BDNF: variants seen among roughly 807,000 people sequenced by gnomAD.
The protein encoded by BDNF is neurotrophic factor BDNF precursor form.
BDNF carries 1 observed loss-of-function variant against 19.5 expected under a neutral mutation model. The observed-to-expected ratio is 0.05, with a 90% CI of 0.02 to 0.24. The LOEUF is 0.24. BDNF is among the 10% of genes least tolerant of loss of function. The probability of loss-of-function intolerance (pLI) is 1.00; values close to 1 mark genes in which losing one functional copy is unlikely to be tolerated. For missense variants in BDNF, 195 were observed against 317.6 expected, an observed-to-expected ratio of 0.61 and a Z score of 2.93; for synonymous variants, 100 against 121.6, an observed-to-expected ratio of 0.82 and a Z score of 1.17.
chr11:27,721,861 GT>G, exon 1 of BDNF: 1 of 162,634 alleles, frequency 6.1e-6, no homozygotes, highest in Non-Finnish European at 1.4e-5. Flanking sequence ...GGGTACCCCT[GT>G]AAAAAAAAAA....
Position 27,658,751 on chromosome 11 carries a change from A to T in BDNF, c.-21-166T>A. 6.6e-7 allele frequency: 1 copy of T among 1,517,826 alleles called. No homozygotes were observed. The highest frequency in any genetic ancestry group is 8.8e-7 in the Non-Finnish European group (1 of 1,133,502). 94.0% of individuals were successfully genotyped at this position (1,517,826 alleles called of 1,614,324 possible). Reference sequence around the variant, plus strand: ...GCACCAGACACAAATCAGTGTCAGTAGTGTGCTGTATGTGGTTTAATATAA... The same window carrying T: ...GCACCAGACACAAATCAGTGTCAGTTGTGTGCTGTATGTGGTTTAATATAA... On this transcript the variant is annotated intron_variant, in intron 1 of 1. Coordinates refer to ENST00000356660, the MANE Select transcript of BDNF (RefSeq NM_001709.5). This position sits in a 1 kb window ranked among gnomAD's most constrained non-coding sequence, Gnocchi z 5.7.
intron 1 of BDNF, chr11:27,699,618 G>A (rs935122314): frequency 1.4e-6 from 2 of 1,458,664 alleles, no homozygotes; most frequent in Admixed American, 4.9e-5. Context: ...ATTGGCTTCG[G>A]ACTTGTAAGT....
At chr11:27,691,769 C>A (rs995050135) in intron 1 of BDNF, among the ~76,000 whole-genome samples, 1 of 152,104 alleles carries the variant, frequency 6.6e-6, no homozygotes, top group Admixed American at 6.5e-5. Context: ...AAAAGTAACT[C>A]TATCCATGCT....
At position 27,713,427 on chromosome 11, in the gene BDNF, T is replaced by A. The variant is rs1860413953; in HGVS notation, c.3+7985A>T. On this transcript the variant is annotated intron_variant, in intron 1 of 1. Coordinates refer to the BDNF transcript ENST00000314915. The stretch of plus-strand genomic sequence containing the variant: ...TTTTTCCCACATTCTCTTTCTTTTC[T>A]CTATTCACTCACACTGCAATGCCCT... 1.3e-5 allele frequency among the ~76,000 whole-genome samples: 2 copies of A among 152,230 alleles called. 1 individual carries two copies. The highest frequency in any genetic ancestry group is 4.1e-4 in the South Asian group (2 of 4,828).
chr11:27,700,565 G>T, upstream of BDNF: 1 of 894,178 alleles, frequency 1.1e-6, no homozygotes, highest in Non-Finnish European at 1.3e-6. Flanking sequence ...GCTCGCCCGC[G>T]CTACCGATAC....
intron 1 of BDNF, among the ~76,000 whole-genome samples, chr11:27,670,989 A>G (rs1855267336): frequency 6.6e-6 from 1 of 152,180 alleles, no homozygotes; most frequent in South Asian, 2.1e-4. Flanking sequence ...TTACAATAGC[A>G]AATACTTGGA....
intron 1 of BDNF, chr11:27,720,790 G>T (rs1312004056): frequency 1.0e-6 from 1 of 987,788 alleles, no homozygotes; most frequent in East Asian, 1.1e-4. Context: ...GCTCTAGACG[G>T]TTTCTTCCAC....
At chr11:27,689,471 T>C (rs771404242) in intron 1 of BDNF, among the ~76,000 whole-genome samples, 2 of 152,224 alleles carry the variant, frequency 1.3e-5, no homozygotes, top group South Asian at 2.1e-4. Flanking sequence ...TATTGAAGTG[T>C]GCAATCTTGT....
At chr11:27,716,573 C>A (rs533414522) in intron 1 of BDNF, among the ~76,000 whole-genome samples, 1 of 151,984 alleles carries the variant, frequency 6.6e-6, no homozygotes, top group African/African-American at 2.4e-5. Context: ...TTAAAATAAG[C>A]AACTCATTAA....
chr11:27,695,897 C>A (rs185200948), intron 1 of BDNF, among the ~76,000 whole-genome samples: 4 of 152,056 alleles, frequency 2.6e-5, no homozygotes, highest in Admixed American at 1.3e-4. Flanking sequence ...AACTTAAATA[C>A]TTAATTTAAA....
intron 1 of BDNF, among the ~76,000 whole-genome samples, chr11:27,681,183 G>C (rs540065302): frequency 2.9e-4 from 44 of 152,326 alleles, no homozygotes; most frequent in Admixed American, 5.2e-4. Context: ...GAGAATTCAA[G>C]TAACTTGCCC....
intron 1 of BDNF, chr11:27,659,147 A>C (rs1852983890): frequency 1.0e-6 from 1 of 1,002,286 alleles, no homozygotes; most frequent in Non-Finnish European, 1.2e-6. Flanking sequence ...CTTTAAATTG[A>C]CTTTTTTTTT....
upstream of BDNF, among the ~76,000 whole-genome samples, chr11:27,705,144 G>T (rs1860060324): frequency 6.6e-6 from 1 of 152,184 alleles, no homozygotes; most frequent in South Asian, 2.1e-4. Context: ...CCAGATTTGT[G>T]CTGAGAACAT....
At chr11:27,670,339 A>T (rs1855146859) in intron 1 of BDNF, among the ~76,000 whole-genome samples, 1 of 152,230 alleles carries the variant, frequency 6.6e-6, no homozygotes. Flanking sequence ...CATTCAGGAC[A>T]TAGGCATGGA....
At chr11:27,668,244 G>A (rs1854708620) in intron 1 of BDNF, among the ~76,000 whole-genome samples, 1 of 152,136 alleles carries the variant, frequency 6.6e-6, no homozygotes, top group African/African-American at 2.4e-5. Flanking sequence ...CAACATACCA[G>A]AATCTCTGGG....
chr11:27,656,952 G>A lies in BDNF; in HGVS notation c.*869C>T, dbSNP rs1852640307. ...AAAACAAAACAAAGAGGAGACCAGA[G>A]GGGGAGGGGGGGAAAGAATGTGTTC... On this transcript the variant is annotated 3_prime_UTR_variant, in exon 2 of 2. Coordinates refer to ENST00000356660, the MANE Select transcript of BDNF (RefSeq NM_001709.5). 1 of 985,280 alleles carries A rather than the reference G, an allele frequency of 1.0e-6. No individual in the cohort carries two copies. Among genetic ancestry groups the A allele is most frequent in the South Asian group, 4.7e-5 (1 of 21,282 alleles). 61.0% of individuals were successfully genotyped at this position (985,280 alleles called of 1,614,324 possible).
At chr11:27,704,079 A>G (rs1860016723), upstream of BDNF, among the ~76,000 whole-genome samples, 1 of 152,246 alleles carries the variant, frequency 6.6e-6, no homozygotes, top group African/African-American at 2.4e-5. Flanking sequence ...CTGAGAATAT[A>G]GAGCATGCAT....
At chr11:27,685,024 G>A (rs375846993) in intron 1 of BDNF, among the ~76,000 whole-genome samples, 3 of 152,242 alleles carry the variant, frequency 2.0e-5, no homozygotes, top group South Asian at 4.2e-4. Context: ...GAATCCGTCT[G>A]GTCCTGGGCT....
rs118132329 is a variant in BDNF at position 27,664,215 on chromosome 11, T to G, written c.-21-5630A>C. Among the ~76,000 whole-genome samples, 773 of 152,208 alleles carry G rather than the reference T, an allele frequency of 5.1e-3. 7 individuals carry two copies. The highest frequency in any genetic ancestry group is 0.021 in the South Asian group (103 of 4,810). On this transcript the variant is annotated intron_variant, in intron 1 of 1. Transcript: ENST00000356660. ...CATATATGATACAAACTATTAAGAG[T>G]TGACCTTAATGAAATCTTGCAAATC...
Sources: allele counts gnomAD v4.1 joint callset (sites outside exome capture counted in the v4.1 genomes callset), GRCh38; gene constraint gnomAD v4.1.1; non-coding constraint Gnocchi (gnomAD v3.1); transcripts MANE v1.5; gene names NCBI Gene and HGNC (gene_info 2026-07-23, HGNC 2026-07-21).